Variants in PPP2CA observed in about 807,000 individuals in gnomAD.
The protein encoded by PPP2CA is protein phosphatase 2 catalytic subunit alpha, also known as serine/threonine-protein phosphatase 2A catalytic subunit alpha isoform.
PPP2CA carries 5 observed loss-of-function variants against 38.8 expected under a neutral mutation model. That is an observed-to-expected ratio of 0.13 (90% CI 0.07 to 0.27). The LOEUF (loss-of-function observed/expected upper bound fraction) is 0.27. Ranked by LOEUF, PPP2CA falls within the 10% of genes least tolerant of loss-of-function variation. PPP2CA has a pLI of 1.00. For synonymous variants in PPP2CA, 152 were observed against 134.0 expected (o/e 1.13, Z -0.93); for missense variants, 88 against 389.7 (o/e 0.23, Z 6.52).
In PPP2CA at chr5:134,212,981, A is replaced by G. The variant is rs562132441; in HGVS notation, c.103-6850T>C. 1.3e-4 allele frequency among the ~76,000 whole-genome samples: 20 copies of G among 152,370 alleles called. No homozygotes were observed. The South Asian group carries it at 1.7e-3, about 13-fold the overall frequency. ...TCATGAGATTTAAGAACCCATTTCCATAACATAAAAGGGCAAGATAAGGCA... is the reference window on the plus strand; with the variant it reads ...TCATGAGATTTAAGAACCCATTTCCGTAACATAAAAGGGCAAGATAAGGCA... On this transcript the variant is annotated intron_variant, in intron 1 of 6. Coordinates refer to ENST00000481195, the MANE Select transcript of PPP2CA (RefSeq NM_002715.4).
chr5:134,219,714 A>G (rs1415135600), intron 1 of PPP2CA, among the ~76,000 whole-genome samples: 1 of 152,224 alleles, frequency 6.6e-6, no homozygotes, highest in Non-Finnish European at 1.5e-5. Flanking sequence ...TGCAATGTGA[A>G]GAAGTTAAGC....
intron 1 of PPP2CA, among the ~76,000 whole-genome samples, chr5:134,211,538 G>A (rs1318754176): frequency 6.7e-6 from 1 of 149,780 alleles, no homozygotes; most frequent in East Asian, 2.0e-4. Context: ...GTGCAATGGT[G>A]CGATCTCGGT....
chr5:134,207,176 G>C (rs1050999881), intron 1 of PPP2CA, among the ~76,000 whole-genome samples: 1 of 152,160 alleles, frequency 6.6e-6, no homozygotes, highest in East Asian at 1.9e-4. Flanking sequence ...GGCCAAGGCG[G>C]GCCGATCACT....
Position 134,195,027 on chromosome 5 carries a change from A to G in PPP2CA, c.*2745T>C, listed in dbSNP as rs967715870. 1.3e-5 allele frequency: 2 copies of G among 152,216 alleles called. No individual in the cohort carries two copies. The highest frequency in any genetic ancestry group is 4.8e-5 in the African/African-American group (2 of 41,458). The allele number at this position is 152,216 out of a possible 1,614,324, so 9.4% of individuals were successfully genotyped here. On this transcript the variant is annotated 3_prime_UTR_variant, in exon 7 of 7. Transcript: ENST00000481195. ...GGCATCAAAGCTGAGAACCACAGAA[A>G]TAACTATCCTTTTCCTGAGCTAAGT...
chr5:134,218,108 T>G (rs1762359396), intron 1 of PPP2CA, among the ~76,000 whole-genome samples: 1 of 152,240 alleles, frequency 6.6e-6, no homozygotes, highest in African/African-American at 2.4e-5. Flanking sequence ...CATTATGTGG[T>G]GCATGACTAC....
intron 2 of PPP2CA, among the ~76,000 whole-genome samples, chr5:134,204,159 A>G (rs1340239654): frequency 6.6e-6 from 1 of 152,258 alleles, no homozygotes; most frequent in Non-Finnish European, 1.5e-5. Flanking sequence ...CGCTAAAACC[A>G]CATCTCACTG....
chr5:134,225,168 G>A (rs1047754765), intron 1 of PPP2CA, among the ~76,000 whole-genome samples: 2 of 152,104 alleles, frequency 1.3e-5, no homozygotes, highest in African/African-American at 4.8e-5. Flanking sequence ...TAAAAATTAG[G>A]TTAAGAGAAT....
At position 134,226,060 on chromosome 5, in the gene PPP2CA, G is replaced by A. The variant is rs969450602; in HGVS notation, c.-199C>T. ...CTCCTCCGCTCGCTGAGGCTCCAGA[G>A]CTCGGCTCTCTGTAATGGCGGCCGC... On this transcript the variant is annotated 5_prime_UTR_variant, in exon 1 of 7. Transcript: ENST00000481195. 4.5e-5 allele frequency: 23 copies of A among 508,616 alleles called. No individual in the cohort carries two copies. Among genetic ancestry groups the A allele is most frequent in the Non-Finnish European group, 7.6e-5 (22 of 288,206 alleles). 31.5% of individuals were successfully genotyped at this position (508,616 alleles called of 1,614,324 possible).
At position 134,226,034 on chromosome 5, in the gene PPP2CA, C is replaced by G; in HGVS notation, c.-173G>C. ...TACTCGGCCGTCGGCCGCTGCGCCT[C>G]CTCCTCCGCTCGCTGAGGCTCCAGA... On this transcript the variant is annotated 5_prime_UTR_variant, in exon 1 of 7. Coordinates refer to ENST00000481195, the MANE Select transcript of PPP2CA (RefSeq NM_002715.4). 1 of 545,866 alleles carries G rather than the reference C, an allele frequency of 1.8e-6. No individual in the cohort carries two copies. Among genetic ancestry groups the G allele is most frequent in the East Asian group, 3.4e-5 (1 of 29,394 alleles). 33.8% of individuals were successfully genotyped at this position (545,866 alleles called of 1,614,324 possible).
Position 134,201,959 on chromosome 5 carries a change from T to C in PPP2CA, c.375A>G (p.Gln125=). The part of the protein sequence containing the change: ...RGNHESRQIT[Q]VYGFYDECLR... ...AACATTCATCATAGAAACCATAAAC[T>C]TGTGTGATCTGTCTGCTCTCATGAT... Residue 125 remains glutamine, a synonymous_variant, in exon 3 of 7, where the codon CAA becomes CAG. Coordinates refer to ENST00000481195, the MANE Select transcript of PPP2CA (RefSeq NM_002715.4). 1.2e-6 allele frequency: 2 copies of C among 1,614,078 alleles called. No individual in the cohort carries two copies. The highest frequency in any genetic ancestry group is 1.1e-5 in the South Asian group (1 of 91,048).
chr5:134,214,463 CTTT>C lies in PPP2CA; in HGVS notation c.103-8335_103-8333del, dbSNP rs569914382. Reference sequence around the variant, plus strand: ...GGATTACAGGGCAAAATAGCATTAACTTTTTTTGTTTCATATGTACTATAAAAC... The same window carrying C: ...GGATTACAGGGCAAAATAGCATTAACTTTTGTTTCATATGTACTATAAAAC... On this transcript the variant is annotated intron_variant, in intron 1 of 6. Transcript: ENST00000481195. 2.3e-3 allele frequency among the ~76,000 whole-genome samples: 344 copies of C among 152,220 alleles called. 1 individual carries two copies. The highest frequency in any genetic ancestry group is 7.9e-3 in the African/African-American group (328 of 41,552).
intron 1 of PPP2CA, among the ~76,000 whole-genome samples, chr5:134,219,537 A>G (rs886604175): frequency 6.6e-6 from 1 of 152,236 alleles, no homozygotes; most frequent in African/African-American, 2.4e-5. Flanking sequence ...CAACTAAATG[A>G]CTAAACTAAG....
At position 134,195,180 on chromosome 5, in the gene PPP2CA, T is replaced by TCA. The variant is rs1346483280; in HGVS notation, c.*2590_*2591dup. ...ATACTCAACCCAAGACATGAGCACA[T>TCA]CATGTACAAATTCATTGTAAACTTA... On this transcript the variant is annotated 3_prime_UTR_variant, in exon 7 of 7. Transcript: ENST00000481195. 6.6e-6 allele frequency: 1 copy of TCA among 152,082 alleles called. No homozygotes were observed. Among genetic ancestry groups the TCA allele is most frequent in the Non-Finnish European group, 1.5e-5 (1 of 68,016 alleles). The allele number at this position is 152,082 out of a possible 1,614,324, so 9.4% of individuals were successfully genotyped here.
chr5:134,225,664 C>T, intron 1 of PPP2CA, 96 bp downstream of exon 1: 2 of 1,133,406 alleles, frequency 1.8e-6, no homozygotes, highest in Non-Finnish European at 2.5e-6. Flanking sequence ...GGGGCCCGGA[C>T]CGGCGGCCTC....
rs369531838 is a variant in PPP2CA at position 134,200,368 on chromosome 5, C to T, written c.705G>A (p.Thr235=). 4.3e-5 allele frequency: 69 copies of T among 1,614,138 alleles called. No homozygotes were observed. Among genetic ancestry groups the T allele is most frequent in the East Asian group, 1.8e-4 (8 of 44,878 alleles). The change falls in exon 5 of 7, where the codon ACG becomes ACA. Residue 235 remains threonine (T), a synonymous_variant. Transcript: ENST00000481195. ...SETFNHANGL[T]LVSRAHQLVM... ...CTAGCTGGTGAGCTCTAGACACCAA[C>T]GTGAGGCCATTGGCATGATTAAATG...
At chr5:134,202,172 A>C in intron 2 of PPP2CA, 151 bp from the exon 3 acceptor site, 2 of 730,496 alleles carry the variant, frequency 2.7e-6, no homozygotes. Context: ...CCACAGCTCT[A>C]CAGAATTTTT....
intron 1 of PPP2CA, among the ~76,000 whole-genome samples, chr5:134,217,235 G>A (rs1017802504): frequency 6.6e-5 from 10 of 151,936 alleles, no homozygotes; most frequent in African/African-American, 1.9e-4. Context: ...AGCCAAGACC[G>A]TGCCACTGCA....
At chr5:134,210,198 C>T (rs936399635) in intron 1 of PPP2CA, among the ~76,000 whole-genome samples, 13 of 152,092 alleles carry the variant, frequency 8.5e-5, no homozygotes, top group South Asian at 2.1e-4. Flanking sequence ...CTAATAAGAG[C>T]GGCTTTATGG....
At position 134,196,998 on chromosome 5, in the gene PPP2CA, A is replaced by G. The variant is rs1761866364; in HGVS notation, c.*774T>C. The G allele has an allele frequency of 6.6e-6, 1 of 152,642 alleles. No homozygotes were observed. Among genetic ancestry groups the G allele is most frequent in the Non-Finnish European group, 1.5e-5 (1 of 68,032 alleles). 9.5% of individuals were successfully genotyped at this position (152,642 alleles called of 1,614,324 possible). A position where few individuals can be genotyped will look rare whatever the true frequency, so the allele number is the denominator to read the frequency against. Reference sequence around the variant, plus strand: ...GCCCTTGATTTTTATTTTACCTACAAGTCTACAAATTCTAAAATTTACTCA... The same window carrying G: ...GCCCTTGATTTTTATTTTACCTACAGGTCTACAAATTCTAAAATTTACTCA... On this transcript the variant is annotated 3_prime_UTR_variant, in exon 7 of 7. Transcript: ENST00000481195.
Sources: gnomAD v4.1 joint callset for allele counts (sites outside exome capture counted in the v4.1 genomes callset) on GRCh38, gnomAD v4.1.1 for gene constraint, MANE v1.5 for transcripts, NCBI Gene and HGNC (gene_info 2026-07-23, HGNC 2026-07-21) for gene names.